KIF21A: variants seen among roughly 807,000 people sequenced by gnomAD.
The protein encoded by KIF21A is kinesin-like protein KIF21A.
KIF21A carries 114 observed loss-of-function variants against 202.9 expected under a neutral mutation model. The observed-to-expected ratio is 0.56, with a 90% confidence interval of 0.48 to 0.66. The LOEUF (loss-of-function observed/expected upper bound fraction) is 0.66. Among genes scored for constraint, KIF21A ranks in the 30% least tolerant of loss-of-function variants. KIF21A has a pLI of 0.00. For missense variants in KIF21A, 1,677 were observed against 1,994.9 expected (o/e 0.84, Z 3.04); for synonymous variants, 667 against 670.8 (o/e 0.99, Z 0.09).
chr12:39,293,371 T>G lies in KIF21A; in HGVS notation c.*1053A>C, dbSNP rs1350609220. The G allele has an allele frequency of 6.6e-6, 1 of 152,656 alleles. No individual in the cohort carries two copies. The highest frequency in any genetic ancestry group is 1.9e-4 in the East Asian group (1 of 5,202). The allele number at this position is 152,656 out of a possible 1,614,324, so 9.5% of individuals were successfully genotyped here. On this transcript the variant is annotated 3_prime_UTR_variant, in exon 38 of 38. Transcript: ENST00000361418. ...AATTAAACTTGCAGAATTTACAAAT[T>G]AATATTCTGAGCAGACAGAAATATT...
At chr12:39,416,627 A>ATGTG (rs1022134132) in intron 1 of KIF21A, among the ~76,000 whole-genome samples, 1 of 137,104 alleles carries the variant, frequency 7.3e-6, no homozygotes, top group Non-Finnish European at 1.6e-5. Flanking sequence ...GTACATATAT[A>ATGTG]TGTGTATATA....
rs1023408067 is a variant in KIF21A, at chr12:39,303,126, C to T, written c.4570G>A (p.Val1524Ile). Residue 1524 changes from valine to isoleucine, a missense_variant, in exon 36 of 38, where the codon GTT (valine) becomes ATT (isoleucine). By Grantham distance (29) the Val-to-Ile change is conservative. This residue lies in a region of KIF21A where 705 missense variants were observed against 791.9 expected (regional missense o/e 0.89). Transcript: ENST00000361418. Reference protein sequence around the residue: ...SKDHYIKMFDVTEGALGTVSP... With the variant: ...SKDHYIKMFDITEGALGTVSP... ...ACAGTCCCAAGAGCTCCTTCTGTAA[C>T]ATCAAACATCTAAAAAGGTAGAAAC... 2.5e-6 allele frequency: 4 copies of T among 1,613,956 alleles called. No homozygotes were observed. Among genetic ancestry groups the T allele is most frequent in the South Asian group, 1.1e-5 (1 of 91,080 alleles).
intron 7 of KIF21A, among the ~76,000 whole-genome samples, chr12:39,362,099 T>G (rs1057349170): frequency 6.6e-6 from 1 of 152,134 alleles, no homozygotes; most frequent in Admixed American, 6.5e-5. Flanking sequence ...CCTGTAAAGT[T>G]CTCACTCCCT....
chr12:39,326,348 A>G, intron 24 of KIF21A, 24 bp from the exon 25 acceptor site: 1 of 1,538,282 alleles, frequency 6.5e-7, no homozygotes, highest in East Asian at 2.3e-5. Flanking sequence ...TTTAAAATGT[A>G]AGCATTATCC....
At position 39,333,207 on chromosome 12, in the gene KIF21A, T is replaced by C. The variant is rs376142046; in HGVS notation, c.2487+5A>G. ...TCTTCCAAATGGTCAGCTTGCTTAC[T>C]GTACCTCTTCAGTTTTGCGACGTAG... is the stretch of plus-strand genomic sequence containing the variant. On this transcript the variant is annotated splice_donor_5th_base_variant and intron_variant, in intron 18 of 37. Transcript: ENST00000361418. 2 of 1,613,382 alleles carry C rather than the reference T, an allele frequency of 1.2e-6. No homozygotes were observed. Among genetic ancestry groups the C allele is most frequent in the Admixed American group, 3.3e-5 (2 of 60,006 alleles).
At chr12:39,428,459 T>C (rs1238533913) in intron 1 of KIF21A, among the ~76,000 whole-genome samples, 2 of 152,212 alleles carry the variant, frequency 1.3e-5, no homozygotes, top group African/African-American at 2.4e-5. Context: ...GCTATTATTG[T>C]GTCAACAATC....
intron 10 of KIF21A, among the ~76,000 whole-genome samples, chr12:39,354,172 T>G (rs1276914421): frequency 1.3e-5 from 2 of 152,168 alleles, no homozygotes; most frequent in African/African-American, 4.8e-5. Flanking sequence ...GTAAGTATTC[T>G]TATCATAAAG....
At chr12:39,301,796 AG>A in intron 36 of KIF21A, 117 bp from the exon 37 acceptor site, 1 of 897,094 alleles carries the variant, frequency 1.1e-6, no homozygotes, top group Non-Finnish European at 1.8e-6. Context: ...AATTGGCTGG[AG>A]AAAGTTTATT....
intron 1 of KIF21A, among the ~76,000 whole-genome samples, chr12:39,399,089 T>C (rs1005434511): frequency 6.6e-6 from 1 of 151,980 alleles, no homozygotes; most frequent in Non-Finnish European, 1.5e-5. Context: ...CATGGTGGCA[T>C]GCACCTGTAG....
intron 1 of KIF21A, among the ~76,000 whole-genome samples, chr12:39,426,127 A>T (rs1334094937): frequency 1.3e-5 from 2 of 152,224 alleles, no homozygotes; most frequent in African/African-American, 4.8e-5. Context: ...ATGAAATGGA[A>T]ACATACGAAA....
At chr12:39,380,092 T>C (rs1158617938) in intron 1 of KIF21A, among the ~76,000 whole-genome samples, 7 of 152,120 alleles carry the variant, frequency 4.6e-5, no homozygotes, top group African/African-American at 1.7e-4. Context: ...CTCAGCCTCC[T>C]GAGTAGCTGG....
At chr12:39,392,272 T>C (rs553107032) in intron 1 of KIF21A, among the ~76,000 whole-genome samples, 23 of 152,182 alleles carry the variant, frequency 1.5e-4, no homozygotes, top group Non-Finnish European at 2.9e-4. Flanking sequence ...ACATGAAGAA[T>C]GAAAGAAAGA....
chr12:39,332,865 A>C, intron 19 of KIF21A, 28 bp downstream of exon 19: 1 of 1,610,780 alleles, frequency 6.2e-7, no homozygotes, highest in Non-Finnish European at 8.5e-7. Flanking sequence ...CAAGAAGATT[A>C]CATCAGCAGG....
chr12:39,320,972 A>G (rs1195296171), intron 27 of KIF21A, among the ~76,000 whole-genome samples: 2 of 151,688 alleles, frequency 1.3e-5, no homozygotes, highest in Admixed American at 6.6e-5. Flanking sequence ...CTGGGAAAAA[A>G]AAAACACTAA....
intron 28 of KIF21A, among the ~76,000 whole-genome samples, chr12:39,319,413 A>G (rs1026254871): frequency 7.2e-5 from 11 of 152,242 alleles, no homozygotes; most frequent in African/African-American, 2.7e-4. Flanking sequence ...AGAAACATTG[A>G]GGATAATACC....
At chr12:39,436,448 A>ATATATATATATATATATATATAT (rs1387332677) in intron 1 of KIF21A, among the ~76,000 whole-genome samples, 7 of 95,760 alleles carry the variant, frequency 7.3e-5, no homozygotes, top group African/African-American at 3.5e-4. Context: ...ATATATATAT[A>ATATATATATATATATATATATAT]TTTTTTTTTT....
intron 8 of KIF21A, 64 bp from the exon 9 acceptor site, chr12:39,357,501 A>T: frequency 2.3e-6 from 3 of 1,324,598 alleles, no homozygotes; most frequent in Admixed American, 1.7e-5. Flanking sequence ...GTTTTGCTTA[A>T]GAATACTCTA....
At chr12:39,370,372 TACCTA>T in intron 1 of KIF21A, 111 bp from the exon 2 acceptor site, 1 of 729,128 alleles carries the variant, frequency 1.4e-6, no homozygotes, top group Non-Finnish European at 2.4e-6. Context: ...CTCATGTAAT[TACCTA>T]ATGCTTATTC....
chr12:39,401,346 G>GCAA (rs1952161425), intron 1 of KIF21A, among the ~76,000 whole-genome samples: 1 of 152,028 alleles, frequency 6.6e-6, no homozygotes, highest in Admixed American at 6.6e-5. Context: ...CGGGTCAAAA[G>GCAA]CAACAAAAAT....
Sources: gnomAD v4.1 joint callset for allele counts (sites outside exome capture counted in the v4.1 genomes callset) on GRCh38, gnomAD v4.1.1 for gene constraint, gnomAD v4.1.1 regional missense constraint, MANE v1.5 for transcripts, NCBI Gene and HGNC (gene_info 2026-07-23, HGNC 2026-07-21) for gene names.